Variants in NKAIN3 observed in about 807,000 individuals in gnomAD.
The protein encoded by NKAIN3 is sodium/potassium transporting ATPase interacting 3, also known as sodium/potassium-transporting ATPase subunit beta-1-interacting protein 3.
In NKAIN3, 25 loss-of-function variants were observed where a neutral mutation model predicts 30.2. The ratio of observed to expected loss-of-function variants is 0.83; its 90% CI spans 0.60 to 1.16. The LOEUF (loss-of-function observed/expected upper bound fraction) is 1.16, where lower values mean the gene tolerates loss of function less well. NKAIN3 is among the 50% of genes most tolerant of loss of function. The pLI is 0.00. For missense variants in NKAIN3, 225 were observed against 254.1 expected (o/e 0.89, Z 0.78); for synonymous variants, 91 against 89.6 (o/e 1.02, Z -0.09).
intron 5 of NKAIN3, among the ~76,000 whole-genome samples, chr8:62,949,724 T>C (rs199636048): frequency 4.2e-5 from 2 of 48,070 alleles, no homozygotes; most frequent in East Asian, 3.8e-4. Flanking sequence ...ATTGTGTTGC[T>C]TTTTTTTTTT....
chr8:62,620,449 A>G (rs1435128039), intron 3 of NKAIN3, among the ~76,000 whole-genome samples: 1 of 152,110 alleles, frequency 6.6e-6, no homozygotes, highest in Admixed American at 6.6e-5. Flanking sequence ...ATTTGGGGGT[A>G]GTGTGTCCTG....
At chr8:62,686,239 C>T (rs749730616) in intron 3 of NKAIN3, among the ~76,000 whole-genome samples, 1 of 152,172 alleles carries the variant, frequency 6.6e-6, no homozygotes, top group Non-Finnish European at 1.5e-5. Flanking sequence ...TTCAGAGGTA[C>T]AAGGTGATCC....
At chr8:62,589,869 G>A in intron 3 of NKAIN3, 75 bp downstream of exon 3, 1 of 628,822 alleles carries the variant, frequency 1.6e-6, no homozygotes, top group Non-Finnish European at 2.8e-6. Flanking sequence ...TACATATATA[G>A]GTATATTGTG....
At chr8:62,446,757 A>G (rs1480652539) in intron 1 of NKAIN3, among the ~76,000 whole-genome samples, 1 of 148,552 alleles carries the variant, frequency 6.7e-6, no homozygotes, top group African/African-American at 2.4e-5. Flanking sequence ...ATTCAGCGTG[A>G]TATCTTCAAG....
chr8:62,487,805 T>G (rs1399955099), intron 1 of NKAIN3, among the ~76,000 whole-genome samples: 1 of 152,218 alleles, frequency 6.6e-6, no homozygotes, highest in Non-Finnish European at 1.5e-5. Flanking sequence ...CCATTGTCAT[T>G]CTTTCTAACA....
intron 5 of NKAIN3, among the ~76,000 whole-genome samples, chr8:62,933,977 G>C (rs10100648): frequency 6.6e-6 from 1 of 152,076 alleles, no homozygotes; most frequent in African/African-American, 2.4e-5. Flanking sequence ...CTGAGCTCTT[G>C]ACAAAGATTA....
intron 4 of NKAIN3, among the ~76,000 whole-genome samples, chr8:62,891,233 A>T (rs1821288090): frequency 6.6e-6 from 1 of 152,296 alleles, no homozygotes; most frequent in Admixed American, 6.5e-5. Flanking sequence ...AGACAGAAAA[A>T]GGTGGGAGAA....
intron 4 of NKAIN3, among the ~76,000 whole-genome samples, chr8:62,907,145 C>A (rs1821799888): frequency 6.6e-6 from 1 of 152,134 alleles, no homozygotes; most frequent in Non-Finnish European, 1.5e-5. Context: ...CTATGTTTAG[C>A]AGGTGGCATT....
chr8:62,638,171 T>C (rs2130290645), intron 3 of NKAIN3, among the ~76,000 whole-genome samples: 1 of 152,276 alleles, frequency 6.6e-6, no homozygotes, highest in South Asian at 2.1e-4. Context: ...CTCATGCTAA[T>C]AAGGTTTGCA....
At chr8:62,910,853 G>T (rs1238767775) in intron 4 of NKAIN3, among the ~76,000 whole-genome samples, 2 of 151,618 alleles carry the variant, frequency 1.3e-5, no homozygotes, top group Non-Finnish European at 2.9e-5. Flanking sequence ...CAATGTATCA[G>T]CATGACTGAG....
At chr8:62,713,700 A>G (rs1407467990) in intron 3 of NKAIN3, among the ~76,000 whole-genome samples, 2 of 152,212 alleles carry the variant, frequency 1.3e-5, no homozygotes, top group African/African-American at 4.8e-5. Context: ...CAAATCAAGA[A>G]CAGATTGAAG....
intron 4 of NKAIN3, among the ~76,000 whole-genome samples, chr8:62,758,209 A>G (rs1816519392): frequency 1.3e-5 from 2 of 152,306 alleles, no homozygotes; most frequent in African/African-American, 4.8e-5. Flanking sequence ...CACGGAAAAC[A>G]AAGTGAGAGA....
intron 4 of NKAIN3, among the ~76,000 whole-genome samples, chr8:62,891,209 G>A (rs920858748): frequency 9.9e-5 from 15 of 152,118 alleles, no homozygotes; most frequent in African/African-American, 3.4e-4. Flanking sequence ...CTGCTAGCAC[G>A]GCTGCAATAA....
At chr8:62,430,331 A>T (rs1480803632) in intron 1 of NKAIN3, among the ~76,000 whole-genome samples, 1 of 150,778 alleles carries the variant, frequency 6.6e-6, no homozygotes, top group Non-Finnish European at 1.5e-5. Flanking sequence ...AATATTATTT[A>T]TATATACTCT....
chr8:62,857,266 G>A, intron 4 of NKAIN3: 1 of 195,456 alleles, frequency 5.1e-6, no homozygotes, highest in East Asian at 1.6e-4. Context: ...AACATTATTT[G>A]CTGCCCTTAA....
chr8:62,480,323 T>C (rs1346717729), intron 1 of NKAIN3, among the ~76,000 whole-genome samples: 3 of 152,208 alleles, frequency 2.0e-5, no homozygotes, highest in Admixed American at 2.0e-4. Flanking sequence ...TAGTGCAATG[T>C]GGTAATCATT....
chr8:62,447,068 T>G (rs4738973), intron 1 of NKAIN3, among the ~76,000 whole-genome samples: 101,671 of 151,772 alleles, frequency 0.67, 34,852 homozygotes, highest in Non-Finnish European at 0.73. Context: ...GAATCATTTG[T>G]AAGTATCCGT....
At position 62,913,699 on chromosome 8, in the gene NKAIN3, A is replaced by C. The variant is rs1426592238; in HGVS notation, c.472-4754A>C. 2.0e-5 allele frequency among the ~76,000 whole-genome samples: 3 copies of C among 152,218 alleles called. No homozygotes were observed. In the East Asian group the frequency reaches 5.8e-4, roughly 29 times the overall value. ...AAAGATAAAACTAATTATGGACACA[A>C]ATGAATTATTTTAATAGCAGAGTTG... is the stretch of plus-strand genomic sequence containing the variant. On this transcript the variant is annotated intron_variant, in intron 4 of 6. Transcript: ENST00000623646.
At position 62,976,773 on chromosome 8, in the gene NKAIN3, A is replaced by G. The variant is rs565702441; in HGVS notation, c.*11366A>G. Among the ~76,000 whole-genome samples, 2 of 152,292 alleles carry G rather than the reference A, an allele frequency of 1.3e-5. No homozygotes were observed. The highest frequency in any genetic ancestry group is 1.3e-4 in the Admixed American group (2 of 15,298). On this transcript the variant is annotated 3_prime_UTR_variant, in exon 7 of 7. Transcript: ENST00000623646. The stretch of plus-strand genomic sequence containing the variant: ...CCATTAGTTGATGCAGCTTCTTCAT[A>G]GTGTCGATGGTCTTTACATTTTGGA...
Sources: allele counts gnomAD v4.1 joint callset (sites outside exome capture counted in the v4.1 genomes callset), GRCh38; gene constraint gnomAD v4.1.1; transcripts MANE v1.5; gene names NCBI Gene and HGNC (gene_info 2026-07-23, HGNC 2026-07-21).